Variants in UNC13C observed in about 807,000 individuals in gnomAD.
UNC13C encodes the protein protein unc-13 homolog C.
In UNC13C, 174 loss-of-function variants were observed where a neutral mutation model predicts 245.4. The ratio of observed to expected loss-of-function variants is 0.71; its 90% CI spans 0.63 to 0.80. UNC13C has a LOEUF of 0.80. Among genes scored for constraint, UNC13C ranks in the 30% least tolerant of loss-of-function variants. The probability of loss-of-function intolerance (pLI) is 0.00; values close to 1 mark genes in which losing one functional copy is unlikely to be tolerated. For synonymous variants in UNC13C, 992 were observed against 895.1 expected, an observed-to-expected ratio of 1.11 and a Z score of -1.93; for missense variants, 2,829 against 2,602.9, an observed-to-expected ratio of 1.09 and a Z score of -1.89.
chr15:54,351,255 G>A (rs182132505), intron 17 of UNC13C, among the ~76,000 whole-genome samples: 32 of 152,230 alleles, frequency 2.1e-4, no homozygotes, highest in Middle Eastern at 3.4e-3. Flanking sequence ...AGTGAAGTGC[G>A]CAGGAATCTG....
At chr15:54,189,169 C>G (rs1451765074) in intron 4 of UNC13C, among the ~76,000 whole-genome samples, 1 of 152,036 alleles carries the variant, frequency 6.6e-6, no homozygotes, top group Admixed American at 6.6e-5. Context: ...AGATGAAAAG[C>G]TCATTTTCTT....
At chr15:54,363,608 G>T (rs1018539379) in intron 17 of UNC13C, among the ~76,000 whole-genome samples, 1 of 152,148 alleles carries the variant, frequency 6.6e-6, no homozygotes, top group South Asian at 2.1e-4. Context: ...ATTTTAAGCC[G>T]CAGCATGGCA....
chr15:54,122,727 T>A (rs2030758473), intron 2 of UNC13C, among the ~76,000 whole-genome samples: 1 of 152,080 alleles, frequency 6.6e-6, no homozygotes. Context: ...AATAATGCAG[T>A]GTGTACAATT....
chr15:54,579,232 G>A (rs970018685), intron 30 of UNC13C, among the ~76,000 whole-genome samples: 1 of 151,924 alleles, frequency 6.6e-6, no homozygotes, highest in African/African-American at 2.4e-5. Flanking sequence ...ATGAAAGTGT[G>A]GTTGATTTTT....
At chr15:54,183,958 T>G (rs1167286076) in intron 4 of UNC13C, among the ~76,000 whole-genome samples, 3 of 150,544 alleles carry the variant, frequency 2.0e-5, no homozygotes, top group Non-Finnish European at 4.4e-5. Context: ...GGAAAGGACA[T>G]TCAACCAGTT....
At chr15:54,578,776 G>A (rs1297817318) in intron 30 of UNC13C, among the ~76,000 whole-genome samples, 1 of 152,172 alleles carries the variant, frequency 6.6e-6, no homozygotes, top group East Asian at 1.9e-4. Flanking sequence ...TGCTTGAGCA[G>A]GGAGAACTGC....
At position 54,623,712 on chromosome 15, in the gene UNC13C, T is replaced by C. The variant is rs1900947888; in HGVS notation, c.6200-83T>C. On this transcript the variant is annotated intron_variant, in intron 31 of 32. Transcript: ENST00000260323. ...GGAGTTAGGGCACTATTATTAAGTT[T>C]TGGCTTCATAAATCACTTTTAAAAT... is the stretch of plus-strand genomic sequence containing the variant. 2.3e-6 allele frequency: 3 copies of C among 1,292,250 alleles called. No homozygotes were observed. The East Asian group carries it at 7.5e-5, about 32-fold the overall frequency. The allele number at this position is 1,292,250 out of a possible 1,614,324, so 80.0% of individuals were successfully genotyped here.
intron 27 of UNC13C, 96 bp from the exon 28 acceptor site, chr15:54,549,539 G>A (rs1182889341): frequency 4.2e-6 from 4 of 953,962 alleles, no homozygotes; most frequent in Non-Finnish European, 4.7e-6. Flanking sequence ...AGTCTTATAA[G>A]GGAAATAAAG....
chr15:54,543,845 C>T lies in UNC13C; in HGVS notation c.5697-2877C>T, dbSNP rs139089018. ...AAAAGCCCAGGACCAGATAGATTCA[C>T]AGCCGAATTCTACCAGAGGTACAAA... On this transcript the variant is annotated intron_variant, in intron 26 of 32. Coordinates refer to ENST00000260323, the MANE Select transcript of UNC13C (RefSeq NM_001080534.3). Among the ~76,000 whole-genome samples, 477 of 152,252 alleles carry T rather than the reference C, an allele frequency of 3.1e-3. 7 individuals carry two copies. The highest frequency in any genetic ancestry group is 0.011 in the African/African-American group (446 of 41,568).
the UNC13C span, among the ~76,000 whole-genome samples, chr15:53,939,809 G>A: frequency 8.6e-6 from 1 of 115,816 alleles, no homozygotes; most frequent in African/African-American, 3.0e-5. Context: ...CCAAGAGAAA[G>A]GACGAGAGAG....
Position 54,014,775 on chromosome 15 carries a change from T to C in UNC13C, c.1872T>C (p.Thr624=), listed in dbSNP as rs754511863. The change falls in exon 2 of 33, where the codon ACT becomes ACC. Residue 624 remains threonine (T), a synonymous_variant. Coordinates refer to ENST00000260323, the MANE Select transcript of UNC13C (RefSeq NM_001080534.3). ...QGQTETENTE[T]VDSGMSNGMV... ...AGACTGAAACTGAAAACACAGAAAC[T>C]GTGGATAGTGGAATGAGTAATGGCA... 7 of 1,613,754 alleles carry C rather than the reference T, an allele frequency of 4.3e-6. No individual in the cohort carries two copies. In the South Asian group the frequency reaches 6.6e-5, roughly 15 times the overall value.
At chr15:54,170,531 A>G (rs773703743) in intron 4 of UNC13C, among the ~76,000 whole-genome samples, 1 of 152,162 alleles carries the variant, frequency 6.6e-6, no homozygotes, top group Non-Finnish European at 1.5e-5. Context: ...CCCTTTTTAA[A>G]ATTAAAAACA....
At chr15:53,852,707 T>G in the UNC13C span, among the ~76,000 whole-genome samples, 6 of 152,184 alleles carry the variant, frequency 3.9e-5, no homozygotes, top group African/African-American at 1.4e-4. Flanking sequence ...GTGTCCATTC[T>G]GTCTCTGCCG....
In UNC13C at chr15:54,433,715, T is replaced by C. The variant is rs530591509; in HGVS notation, c.4933+18648T>C. ...CTCTCACCGCTTTTATTCAACGTAG[T>C]ATTGGAAGTTCTGGCCAGGGCAATC... On this transcript the variant is annotated intron_variant, in intron 19 of 32. Transcript: ENST00000260323. Among the ~76,000 whole-genome samples, 29 of 152,206 alleles carry C rather than the reference T, an allele frequency of 1.9e-4. No individual in the cohort carries two copies. The East Asian group carries it at 3.1e-3, about 16-fold the overall frequency.
rs148017091 is a variant in UNC13C at position 54,060,956 on chromosome 15, G to A, written c.2983+45070G>A. ...CACAGGAAGGGGAACATCACACACC[G>A]GGGACTGTTGTGGGGTAGGGGGAGA... On this transcript the variant is annotated intron_variant, in intron 2 of 32. Coordinates refer to ENST00000260323, the MANE Select transcript of UNC13C (RefSeq NM_001080534.3). Among the ~76,000 whole-genome samples, 1,182 of 152,106 alleles carry A rather than the reference G, an allele frequency of 7.8e-3. 11 individuals carry two copies. Among genetic ancestry groups the A allele is most frequent in the African/African-American group, 0.026 (1,087 of 41,470 alleles).
intron 2 of UNC13C, among the ~76,000 whole-genome samples, chr15:54,139,460 T>C (rs988677234): frequency 6.6e-6 from 1 of 152,162 alleles, no homozygotes; most frequent in Non-Finnish European, 1.5e-5. Flanking sequence ...ATAATTTCCT[T>C]AGCACCAGTT....
chr15:54,466,952 C>T (rs1892203826), intron 19 of UNC13C, among the ~76,000 whole-genome samples: 1 of 151,662 alleles, frequency 6.6e-6, no homozygotes, highest in Non-Finnish European at 1.5e-5. Flanking sequence ...ATTAGGAGAC[C>T]TGTGAATTTC....
At chr15:54,083,060 G>GAAGAGT (rs1333954081) in intron 2 of UNC13C, among the ~76,000 whole-genome samples, 1 of 152,136 alleles carries the variant, frequency 6.6e-6, no homozygotes, top group Admixed American at 6.5e-5. Context: ...AGGTGGCAAT[G>GAAGAGT]AAGAGTAAGA....
intron 2 of UNC13C, chr15:54,049,672 A>G: frequency 4.6e-6 from 1 of 216,596 alleles, no homozygotes; most frequent in South Asian, 7.0e-5. Context: ...GAGTGCCGTC[A>G]GTTGACCACG....
Sources: gnomAD v4.1 joint callset for allele counts (sites outside exome capture counted in the v4.1 genomes callset) on GRCh38, gnomAD v4.1.1 for gene constraint, MANE v1.5 for transcripts, NCBI Gene and HGNC (gene_info 2026-07-23, HGNC 2026-07-21) for gene names.